LRMDA: variants seen among roughly 807,000 people sequenced by gnomAD.
LRMDA encodes the protein leucine rich melanocyte differentiation associated, also known as leucine-rich melanocyte differentiation-associated protein.
In LRMDA, 18 loss-of-function variants were observed where a neutral mutation model predicts 29.8. The ratio of observed to expected loss-of-function variants is 0.60; its 90% confidence interval spans 0.42 to 0.90. LRMDA has a LOEUF of 0.90. Among genes scored for constraint, LRMDA ranks in the 40% least tolerant of loss-of-function variants. The pLI is 0.00. For missense variants in LRMDA, 273 were observed against 273.9 expected, an observed-to-expected ratio of 1.00 and a Z score of 0.02; for synonymous variants, 125 against 109.4, an observed-to-expected ratio of 1.14 and a Z score of -0.89.
intron 6 of LRMDA, among the ~76,000 whole-genome samples, chr10:76,409,127 A>G (rs541496468): frequency 6.6e-6 from 1 of 152,282 alleles, no homozygotes; most frequent in South Asian, 2.1e-4. Flanking sequence ...ATAAACATTC[A>G]TTCATTCATT....
intron 2 of LRMDA, among the ~76,000 whole-genome samples, chr10:75,542,867 C>G (rs918055033): frequency 6.6e-6 from 1 of 152,210 alleles, no homozygotes; most frequent in African/African-American, 2.4e-5. Context: ...TCGGAAATCT[C>G]CTCTACCAGG....
chr10:76,120,680 T>C (rs909166977), intron 5 of LRMDA, among the ~76,000 whole-genome samples: 23 of 152,184 alleles, frequency 1.5e-4, no homozygotes, highest in Admixed American at 2.0e-4. Context: ...TATGTGCTGA[T>C]CCTCTTAGGT....
chr10:75,630,796 C>A (rs116456322), intron 2 of LRMDA, among the ~76,000 whole-genome samples: 122 of 152,358 alleles, frequency 8.0e-4, no homozygotes, highest in African/African-American at 2.9e-3. Context: ...CCATCCCTTT[C>A]CATGCACAGA....
intron 6 of LRMDA, among the ~76,000 whole-genome samples, chr10:76,325,870 T>A (rs1383350996): frequency 6.6e-6 from 1 of 152,196 alleles, no homozygotes; most frequent in Non-Finnish European, 1.5e-5. Flanking sequence ...ATAAAAAATC[T>A]GAGACTTGAA....
At chr10:76,363,116 G>GGAAAGA in intron 6 of LRMDA, among the ~76,000 whole-genome samples, 1 of 51,522 alleles carries the variant, frequency 1.9e-5, no homozygotes, top group Non-Finnish European at 4.2e-5. Flanking sequence ...TGTGGAGTAA[G>GGAAAGA]GAAAGAAAGA....
intron 2 of LRMDA, among the ~76,000 whole-genome samples, chr10:75,930,191 G>T (rs1049480694): frequency 6.6e-6 from 1 of 152,204 alleles, no homozygotes; most frequent in Non-Finnish European, 1.5e-5. Context: ...ATTTGCCTAA[G>T]ACTAAGATCT....
chr10:75,890,421 A>C (rs370149000), intron 2 of LRMDA, among the ~76,000 whole-genome samples: 1 of 152,362 alleles, frequency 6.6e-6, no homozygotes, highest in East Asian at 1.9e-4. Flanking sequence ...CAGGGAATAG[A>C]GTAGTGTCAG....
At chr10:76,367,249 A>G (rs756846066) in intron 6 of LRMDA, among the ~76,000 whole-genome samples, 26 of 152,048 alleles carry the variant, frequency 1.7e-4, no homozygotes, top group Non-Finnish European at 3.5e-4. Flanking sequence ...TTTTGGTATT[A>G]GGGTGATGCT....
At position 76,508,393 on chromosome 10, in the gene LRMDA, A is replaced by G. The variant is rs182358122; in HGVS notation, c.602-48816A>G. On this transcript the variant is annotated intron_variant, in intron 6 of 6. Coordinates refer to ENST00000611255, the MANE Select transcript of LRMDA (RefSeq NM_001305581.2). ...TGATTTTCTACTCTCATCACTTCTTATACATTTATTTCTCCAAATACTGCT... is the reference window on the plus strand; with the variant it reads ...TGATTTTCTACTCTCATCACTTCTTGTACATTTATTTCTCCAAATACTGCT... Among the ~76,000 whole-genome samples the G allele has an allele frequency of 1.8e-3, 274 of 152,228 alleles. 4 individuals are homozygous for G. Among genetic ancestry groups the G allele is most frequent in the Middle Eastern group, 0.01 (3 of 294 alleles).
intron 6 of LRMDA, among the ~76,000 whole-genome samples, chr10:76,420,951 G>T (rs541911057): frequency 6.6e-6 from 1 of 152,196 alleles, no homozygotes; most frequent in Admixed American, 6.5e-5. Context: ...TTTAATTTGG[G>T]TGAATGTTCT....
intron 2 of LRMDA, among the ~76,000 whole-genome samples, chr10:75,599,189 C>T (rs1840848291): frequency 6.6e-6 from 1 of 152,144 alleles, no homozygotes; most frequent in South Asian, 2.1e-4. Context: ...CAGAGAGTCT[C>T]CTGGCGCTAC....
At chr10:76,515,949 C>T (rs1443794332) in intron 6 of LRMDA, among the ~76,000 whole-genome samples, 1 of 152,176 alleles carries the variant, frequency 6.6e-6, no homozygotes, top group Non-Finnish European at 1.5e-5. Context: ...TACGTGTTTT[C>T]CCCAAATTCA....
chr10:75,584,144 TC>T (rs1189775140), intron 2 of LRMDA, among the ~76,000 whole-genome samples: 4 of 152,190 alleles, frequency 2.6e-5, no homozygotes, highest in Non-Finnish European at 5.9e-5. Flanking sequence ...GCTAGCCCCT[TC>T]CCCTGCCACC....
intron 5 of LRMDA, among the ~76,000 whole-genome samples, chr10:76,226,867 C>G (rs1386279003): frequency 3.3e-5 from 5 of 152,198 alleles, no homozygotes; most frequent in African/African-American, 1.2e-4. Flanking sequence ...AAATAAATCT[C>G]TTTTCTTTAT....
chr10:76,477,425 T>C (rs1214273986), intron 6 of LRMDA, among the ~76,000 whole-genome samples: 5 of 152,046 alleles, frequency 3.3e-5, no homozygotes, highest in Non-Finnish European at 7.4e-5. Flanking sequence ...TGGAAGAATA[T>C]TCCATGCTCA....
At chr10:76,036,160 C>G in intron 3 of LRMDA, 26 bp downstream of exon 3, 1 of 1,601,182 alleles carries the variant, frequency 6.2e-7, no homozygotes, top group Non-Finnish European at 8.5e-7. Flanking sequence ...CCCGCTGCCC[C>G]CACTCCCCAC....
intron 2 of LRMDA, among the ~76,000 whole-genome samples, chr10:75,650,871 A>T (rs1319040405): frequency 6.6e-6 from 1 of 152,122 alleles, no homozygotes; most frequent in Non-Finnish European, 1.5e-5. Flanking sequence ...ATGAGCCCCC[A>T]TGGTGGGCAA....
intron 5 of LRMDA, among the ~76,000 whole-genome samples, chr10:76,257,245 A>G (rs960868987): frequency 6.6e-6 from 1 of 152,172 alleles, no homozygotes; most frequent in African/African-American, 2.4e-5. Context: ...TTATAACTGA[A>G]AAGAATTTTG....
chr10:76,378,879 C>T (rs1463282724), intron 6 of LRMDA, among the ~76,000 whole-genome samples: 6 of 95,182 alleles, frequency 6.3e-5, no homozygotes, highest in East Asian at 2.9e-4. Flanking sequence ...TTTTTTGAGA[C>T]GATGTCTTGC....
Sources: gnomAD v4.1 joint callset for allele counts (sites outside exome capture counted in the v4.1 genomes callset) on GRCh38, gnomAD v4.1.1 for gene constraint, MANE v1.5 for transcripts, NCBI Gene and HGNC (gene_info 2026-07-23, HGNC 2026-07-21) for gene names.